The following MARCHF1 variants were observed in gnomAD, a reference collection of about 807,000 sequenced individuals.
The protein encoded by MARCHF1 is membrane associated ring-CH-type finger 1, also known as E3 ubiquitin-protein ligase MARCHF1.
A neutral mutation model predicts 54.2 loss-of-function variants in MARCHF1; 40 were observed. The ratio of observed to expected loss-of-function variants is 0.74; its 90% CI spans 0.57 to 0.96. MARCHF1 has a LOEUF of 0.96. MARCHF1 is among the 40% of genes least tolerant of loss of function. The pLI is 0.00. For missense variants in MARCHF1, 586 were observed against 656.5 expected, an observed-to-expected ratio of 0.89 and a Z score of 1.17; for synonymous variants, 236 against 236.3, an observed-to-expected ratio of 1.00 and a Z score of 0.01.
At chr4:163,893,026 A>G (rs1402581919) in intron 3 of MARCHF1, among the ~76,000 whole-genome samples, 1 of 152,146 alleles carries the variant, frequency 6.6e-6, no homozygotes, top group Non-Finnish European at 1.5e-5. Context: ...GATCTTTTAT[A>G]AAGCACAATA....
intron 2 of MARCHF1, among the ~76,000 whole-genome samples, chr4:164,070,142 A>G (rs1382281766): frequency 6.6e-6 from 1 of 152,198 alleles, no homozygotes; most frequent in Non-Finnish European, 1.5e-5. Flanking sequence ...AAGGGTGTTG[A>G]TTGAAAAACT....
intron 5 of MARCHF1, among the ~76,000 whole-genome samples, chr4:163,646,690 C>G (rs1742771771): frequency 6.6e-6 from 1 of 151,958 alleles, no homozygotes; most frequent in Non-Finnish European, 1.5e-5. Context: ...ATTAAGTTAT[C>G]AGCTTAATAT....
At chr4:164,135,684 T>A (rs1178967523) in intron 1 of MARCHF1, among the ~76,000 whole-genome samples, 1 of 152,200 alleles carries the variant, frequency 6.6e-6, no homozygotes. Context: ...AGATGAGAAT[T>A]GGCTGGGGAC....
At chr4:163,865,589 C>A (rs942830165) in intron 3 of MARCHF1, among the ~76,000 whole-genome samples, 2 of 151,648 alleles carry the variant, frequency 1.3e-5, no homozygotes, top group African/African-American at 4.8e-5. Flanking sequence ...GAGTTGATTT[C>A]AAGAAAATTG....
chr4:163,685,466 T>C (rs1358461566), intron 5 of MARCHF1, among the ~76,000 whole-genome samples: 3 of 152,194 alleles, frequency 2.0e-5, no homozygotes, highest in African/African-American at 7.2e-5. Context: ...TTTATTTTTA[T>C]TGTCTTAGAC....
At chr4:164,267,441 A>T (rs947661078) in intron 1 of MARCHF1, among the ~76,000 whole-genome samples, 1 of 152,100 alleles carries the variant, frequency 6.6e-6, no homozygotes, top group Non-Finnish European at 1.5e-5. Flanking sequence ...AATGAAGCCA[A>T]CTGGCGTGCT....
At chr4:163,572,467 C>T (rs1032159234) in intron 8 of MARCHF1, among the ~76,000 whole-genome samples, 9 of 152,026 alleles carry the variant, frequency 5.9e-5, no homozygotes, top group African/African-American at 2.2e-4. Context: ...TGGTTAAGTG[C>T]AGAACCAGAA....
chr4:163,810,711 T>C (rs1748360266), intron 4 of MARCHF1, among the ~76,000 whole-genome samples: 3 of 152,262 alleles, frequency 2.0e-5, no homozygotes, highest in Admixed American at 2.0e-4. Flanking sequence ...ATTTTCTTTT[T>C]ATAAATGTGA....
At chr4:163,913,206 G>A (rs746845907) in intron 3 of MARCHF1, among the ~76,000 whole-genome samples, 9 of 152,180 alleles carry the variant, frequency 5.9e-5, no homozygotes, top group Admixed American at 3.3e-4. Context: ...GCCTCGTTAT[G>A]TGTTTGCGTT....
intron 1 of MARCHF1, among the ~76,000 whole-genome samples, chr4:164,284,502 T>G (rs1295341220): frequency 1.3e-5 from 2 of 151,128 alleles, no homozygotes; most frequent in Non-Finnish European, 2.9e-5. Context: ...ATATTCAGGT[T>G]CTAGCTACAT....
At chr4:164,270,562 C>A (rs1287376360) in intron 1 of MARCHF1, among the ~76,000 whole-genome samples, 6 of 152,154 alleles carry the variant, frequency 3.9e-5, no homozygotes, top group Non-Finnish European at 8.8e-5. Context: ...GAATAAATAT[C>A]ACATTGGGCT....
At chr4:164,220,465 A>C (rs922401833) in intron 1 of MARCHF1, among the ~76,000 whole-genome samples, 1 of 146,164 alleles carries the variant, frequency 6.8e-6, no homozygotes, top group African/African-American at 2.5e-5. Flanking sequence ...TCCTATATAT[A>C]GGTATGGAAT....
chr4:164,157,447 CTTGT>C (rs1730108049), intron 1 of MARCHF1, among the ~76,000 whole-genome samples: 1 of 152,110 alleles, frequency 6.6e-6, no homozygotes, highest in African/African-American at 2.4e-5. Flanking sequence ...TTCCTTACAT[CTTGT>C]TTATTACTTT....
At chr4:164,342,508 A>G (rs1447185284) in intron 1 of MARCHF1, among the ~76,000 whole-genome samples, 2 of 150,632 alleles carry the variant, frequency 1.3e-5, no homozygotes, top group East Asian at 2.0e-4. Context: ...CATGTACCCT[A>G]AAACTTAAAG....
rs34183134 is a variant in MARCHF1, at chr4:164,036,102, C to CAA, written c.-247-47395_-247-47394dup. Among the ~76,000 whole-genome samples the CAA allele has an allele frequency of 2.4e-3, 197 of 82,760 alleles. 2 individuals carry two copies. Among genetic ancestry groups the CAA allele is most frequent in the Middle Eastern group, 0.012 (2 of 168 alleles). The allele number at this position is 82,760 out of a possible 152,430, so 54.3% of individuals were successfully genotyped here. ...TGGGTGATACAGTGAGATTCTGTCT[C>CAA]AAAAAAAAAAAAAACAAAAAACAAA... On this transcript the variant is annotated intron_variant, in intron 2 of 9. Coordinates refer to ENST00000514618, the MANE Select transcript of MARCHF1 (RefSeq NM_001394959.1).
In MARCHF1 at chr4:163,700,815, T is replaced by C; in HGVS notation, c.160A>G (p.Lys54Glu). The stretch of plus-strand genomic sequence containing the variant: ...AAGAAAATGAGTACTTCACCTACTT[T>C]TGAAATGTTACTTGATCGACTTGCA... Reference protein sequence around the residue: ...RSASRSSNISKASSPTTGTAP... With the variant: ...RSASRSSNISEASSPTTGTAP... Residue 54 changes from lysine to glutamate, a missense_variant and splice_region_variant, in exon 5 of 10, where the codon AAA (lysine) becomes GAA (glutamate). Transcript: ENST00000514618. 2 of 1,536,104 alleles carry C rather than the reference T, an allele frequency of 1.3e-6. No individual in the cohort carries two copies. The highest frequency in any genetic ancestry group is 1.7e-6 in the Non-Finnish European group (2 of 1,146,102).
At chr4:164,194,774 C>T (rs1017391796) in intron 1 of MARCHF1, among the ~76,000 whole-genome samples, 2 of 152,092 alleles carry the variant, frequency 1.3e-5, no homozygotes, top group Non-Finnish European at 1.5e-5. Flanking sequence ...TTGTGTTATA[C>T]TAATTAAATA....
At chr4:164,019,600 T>C (rs1753618640) in intron 2 of MARCHF1, among the ~76,000 whole-genome samples, 1 of 152,190 alleles carries the variant, frequency 6.6e-6, no homozygotes, top group African/African-American at 2.4e-5. Context: ...GCACAAAGCA[T>C]TGGGCAATCA....
intron 4 of MARCHF1, among the ~76,000 whole-genome samples, chr4:163,819,325 CCTT>C (rs1428681510): frequency 2.0e-5 from 3 of 152,004 alleles, no homozygotes; most frequent in African/African-American, 7.2e-5. Context: ...TTGTGATGTC[CCTT>C]CTTCTGTTTT....
Sources: allele counts gnomAD v4.1 joint callset (sites outside exome capture counted in the v4.1 genomes callset), GRCh38; gene constraint gnomAD v4.1.1; transcripts MANE v1.5; gene names NCBI Gene and HGNC (gene_info 2026-07-23, HGNC 2026-07-21).